The following THSD4 variants were observed in gnomAD, a reference collection of about 807,000 sequenced individuals.
THSD4 encodes thrombospondin type-1 domain-containing protein 4.
Under a neutral mutation model 119.0 loss-of-function variants are expected in THSD4, and 69 were observed. The observed-to-expected ratio is 0.58, with a 90% CI of 0.48 to 0.71. The LOEUF is 0.71. Among genes scored for constraint, THSD4 ranks in the 30% least tolerant of loss-of-function variants. The probability of loss-of-function intolerance (pLI) is 0.00; values close to 1 mark genes in which losing one functional copy is unlikely to be tolerated. For missense variants in THSD4, 1,393 were observed against 1,391.1 expected, an observed-to-expected ratio of 1.00 and a Z score of -0.02; for synonymous variants, 524 against 540.4, an observed-to-expected ratio of 0.97 and a Z score of 0.42.
At chr15:71,689,671 C>A (rs935821557) in intron 8 of THSD4, among the ~76,000 whole-genome samples, 1 of 152,212 alleles carries the variant, frequency 6.6e-6, no homozygotes, top group South Asian at 2.1e-4. Context: ...GGCAAGACTG[C>A]GTGCATCACC....
intron 7 of THSD4, among the ~76,000 whole-genome samples, chr15:71,455,553 G>A (rs779012797): frequency 1.2e-4 from 19 of 152,112 alleles, no homozygotes; most frequent in Non-Finnish European, 2.5e-4. Context: ...GGGTCCATAT[G>A]CCATTAGACC....
chr15:71,329,717 A>G (rs1345908985), intron 6 of THSD4, among the ~76,000 whole-genome samples: 1 of 152,156 alleles, frequency 6.6e-6, no homozygotes, highest in Non-Finnish European at 1.5e-5. Flanking sequence ...CCACTCACTC[A>G]CAGACAGGGC....
At chr15:71,776,574 T>C (rs1440940457) in intron 17 of THSD4, among the ~76,000 whole-genome samples, 2 of 152,168 alleles carry the variant, frequency 1.3e-5, no homozygotes, top group Admixed American at 6.5e-5. Context: ...TAAACAGTTA[T>C]ACCGACTTTG....
chr15:71,427,661 C>T (rs1047786333), intron 7 of THSD4, among the ~76,000 whole-genome samples: 1 of 149,934 alleles, frequency 6.7e-6, no homozygotes. Flanking sequence ...TGCTTGCACC[C>T]TGCTCTCTGC....
At chr15:71,685,336 A>T (rs28498516) in intron 8 of THSD4, among the ~76,000 whole-genome samples, 1 of 151,886 alleles carries the variant, frequency 6.6e-6, no homozygotes, top group African/African-American at 2.4e-5. Context: ...TGAAGACCCC[A>T]GAGAGCTTTT....
chr15:71,405,081 G>A (rs1412162394), intron 6 of THSD4, among the ~76,000 whole-genome samples: 1 of 151,998 alleles, frequency 6.6e-6, no homozygotes. Flanking sequence ...TAGAGATGAG[G>A]TTTCACCATG....
At chr15:71,199,843 C>CTG (rs1281931770) in intron 3 of THSD4, among the ~76,000 whole-genome samples, 3 of 81,126 alleles carry the variant, frequency 3.7e-5, no homozygotes, top group South Asian at 4.2e-4. Context: ...TGTGTGTGTG[C>CTG]TGTGTGTGAT....
intron 7 of THSD4, among the ~76,000 whole-genome samples, chr15:71,524,606 T>G (rs1023998674): frequency 3.5e-4 from 44 of 124,490 alleles, no homozygotes; most frequent in African/African-American, 1.5e-3. Context: ...TTTTTTTTTT[T>G]TTTTTTTTTG....
chr15:71,289,878 C>G (rs982124673), intron 6 of THSD4, among the ~76,000 whole-genome samples: 2 of 151,978 alleles, frequency 1.3e-5, no homozygotes, highest in African/African-American at 4.8e-5. Context: ...TGCTAGCTTC[C>G]TTCTGACAAG....
intron 3 of THSD4, chr15:71,187,535 A>C (rs2043621124): frequency 6.6e-6 from 1 of 152,664 alleles, no homozygotes; most frequent in South Asian, 2.1e-4. Context: ...ATTGGACACA[A>C]GGCTCATTCT....
At chr15:71,433,774 A>T (rs575190729) in intron 7 of THSD4, among the ~76,000 whole-genome samples, 2 of 152,128 alleles carry the variant, frequency 1.3e-5, no homozygotes, top group Non-Finnish European at 2.9e-5. Context: ...TGATGGGGCC[A>T]TGTTAGGCTG....
intron 7 of THSD4, among the ~76,000 whole-genome samples, chr15:71,633,783 G>A (rs1168005617): frequency 6.6e-6 from 1 of 152,198 alleles, no homozygotes; most frequent in Non-Finnish European, 1.5e-5. Flanking sequence ...ATGGATATGG[G>A]CATGGGATTT....
chr15:71,603,063 G>A (rs372943126), intron 7 of THSD4, among the ~76,000 whole-genome samples: 2 of 152,188 alleles, frequency 1.3e-5, no homozygotes, highest in African/African-American at 4.8e-5. Context: ...AGGGCTTAGC[G>A]GTGAGGTTGG....
chr15:71,406,096 T>C (rs2046601861), intron 6 of THSD4, among the ~76,000 whole-genome samples: 1 of 152,126 alleles, frequency 6.6e-6, no homozygotes, highest in African/African-American at 2.4e-5. Context: ...TCAAAGTATT[T>C]TCTAATTTTC....
chr15:71,215,247 G>C lies in THSD4; in HGVS notation c.312G>C (p.Val104=), dbSNP rs1187435755. ...GAPARAFADH[V]VSAVRTSVPL... is the part of the protein sequence containing the mutation. Reference sequence around the variant, plus strand: ...CTGCGCGCGCCTTCGCGGACCACGTGGTGTCGGCGGTGCGCACGTCGGTGC... The same window carrying C: ...CTGCGCGCGCCTTCGCGGACCACGTCGTGTCGGCGGTGCGCACGTCGGTGC... The change falls in exon 4 of 18, where the codon GTG becomes GTC. Residue 104 remains valine (V), a synonymous_variant. Transcript: ENST00000261862. The C allele has an allele frequency of 1.4e-6, 2 of 1,474,368 alleles. No homozygotes were observed. The highest frequency in any genetic ancestry group is 1.8e-6 in the Non-Finnish European group (2 of 1,119,452). 91.3% of individuals were successfully genotyped at this position (1,474,368 alleles called of 1,614,324 possible).
At chr15:71,430,458 C>T (rs1343173223) in intron 7 of THSD4, among the ~76,000 whole-genome samples, 1 of 152,132 alleles carries the variant, frequency 6.6e-6, no homozygotes. Flanking sequence ...TCAGATTAGA[C>T]TTTTAAAAGC....
chr15:71,515,722 C>T (rs757689223), intron 7 of THSD4, among the ~76,000 whole-genome samples: 9 of 152,150 alleles, frequency 5.9e-5, no homozygotes, highest in Non-Finnish European at 8.8e-5. Flanking sequence ...GATCAGAATT[C>T]GATGTTCTTT....
chr15:71,689,193 A>G (rs1475548249), intron 8 of THSD4, among the ~76,000 whole-genome samples: 1 of 152,236 alleles, frequency 6.6e-6, no homozygotes, highest in East Asian at 1.9e-4. Context: ...TTAACCCTCA[A>G]AAAGTCAGAC....
At chr15:71,657,520 T>G (rs909817195) in intron 7 of THSD4, among the ~76,000 whole-genome samples, 1 of 152,188 alleles carries the variant, frequency 6.6e-6, no homozygotes, top group Non-Finnish European at 1.5e-5. Flanking sequence ...ATTCTGGAGT[T>G]GTCCCTCTTG....
Sources: gnomAD v4.1 joint callset for allele counts (sites outside exome capture counted in the v4.1 genomes callset) on GRCh38, gnomAD v4.1.1 for gene constraint, MANE v1.5 for transcripts, NCBI Gene and HGNC (gene_info 2026-07-23, HGNC 2026-07-21) for gene names.